Variants in RBM19 observed in about 807,000 individuals in gnomAD.
The protein encoded by RBM19 is RNA binding motif protein 19.
RBM19 carries 94 observed loss-of-function variants against 116.8 expected under a neutral mutation model. That is an observed-to-expected ratio of 0.80 (90% confidence interval 0.68 to 0.95). The LOEUF (loss-of-function observed/expected upper bound fraction) is 0.95, where lower values mean the gene tolerates loss of function less well. RBM19 is among the 40% of genes least tolerant of loss of function. The pLI is 0.00. For missense variants in RBM19, 1,161 were observed against 1,220.7 expected, an observed-to-expected ratio of 0.95 and a Z score of 0.73; for synonymous variants, 475 against 494.1, an observed-to-expected ratio of 0.96 and a Z score of 0.51.
intron 21 of RBM19, among the ~76,000 whole-genome samples, chr12:113,912,257 G>A (rs1166375035): frequency 6.6e-6 from 1 of 152,166 alleles, no homozygotes; most frequent in African/African-American, 2.4e-5. Flanking sequence ...ACTCTCACCT[G>A]CACACCTGTC....
chr12:113,824,275 C>T (rs1414016721), intron 23 of RBM19, among the ~76,000 whole-genome samples: 1 of 152,114 alleles, frequency 6.6e-6, no homozygotes, highest in Non-Finnish European at 1.5e-5. Context: ...GGATTCGAAC[C>T]CCAGTCACAC....
intron 21 of RBM19, among the ~76,000 whole-genome samples, chr12:113,899,796 T>A (rs1327301760): frequency 0.012 from 1,802 of 152,158 alleles, 13 homozygotes; most frequent in Non-Finnish European, 0.018. Context: ...TGTCTGGGGC[T>A]CCCTGCTGCC....
At chr12:113,880,486 G>A (rs1041157169) in intron 21 of RBM19, among the ~76,000 whole-genome samples, 11 of 152,180 alleles carry the variant, frequency 7.2e-5, no homozygotes, top group African/African-American at 2.4e-4. Context: ...GAGCCTTGTC[G>A]TAAACATTTT....
chr12:113,938,861 C>A (rs1357158207), intron 15 of RBM19, among the ~76,000 whole-genome samples: 3 of 152,150 alleles, frequency 2.0e-5, no homozygotes, highest in Admixed American at 1.3e-4. Flanking sequence ...CTAGAGCCTT[C>A]AGAGGAAGCA....
At chr12:113,945,075 T>C (rs1206693965) in intron 13 of RBM19, among the ~76,000 whole-genome samples, 1 of 152,226 alleles carries the variant, frequency 6.6e-6, no homozygotes, top group Non-Finnish European at 1.5e-5. Flanking sequence ...ATTGGAGATT[T>C]CTGCTTCTAG....
chr12:113,833,046 C>T (rs767171270), intron 23 of RBM19, among the ~76,000 whole-genome samples: 4 of 152,108 alleles, frequency 2.6e-5, no homozygotes, highest in African/African-American at 7.2e-5. Flanking sequence ...GCCCAGACTT[C>T]GCCCCTGAGC....
chr12:113,851,155 T>C (rs1877414953), intron 22 of RBM19, among the ~76,000 whole-genome samples: 1 of 152,160 alleles, frequency 6.6e-6, no homozygotes, highest in Admixed American at 6.5e-5. Flanking sequence ...CTGCACAATC[T>C]TGGGTGACTC....
In RBM19 at chr12:113,877,061, G is replaced by A. The variant is rs181008498; in HGVS notation, c.2559-18165C>T. On this transcript the variant is annotated intron_variant, in intron 21 of 23. Coordinates refer to ENST00000261741, the MANE Select transcript of RBM19 (RefSeq NM_016196.4). Reference sequence around the variant, plus strand: ...GAGATGGCACTTGGAGCCCACCAAGGTCCCATGCCCCCACTGGGCTGCCCC... The same window carrying A: ...GAGATGGCACTTGGAGCCCACCAAGATCCCATGCCCCCACTGGGCTGCCCC... Among the ~76,000 whole-genome samples, 791 of 152,316 alleles carry A rather than the reference G, an allele frequency of 5.2e-3. 9 individuals carry two copies. Among genetic ancestry groups the A allele is most frequent in the Admixed American group, 0.01 (155 of 15,302 alleles).
rs188521018 is a variant in RBM19, at chr12:113,901,056, G to T, written c.2558+13913C>A. On this transcript the variant is annotated intron_variant, in intron 21 of 23. Transcript: ENST00000261741. Reference sequence around the variant, plus strand: ...CTGGTTTCTTTGCTTTCTGAAAAGGGTCTAGAAAGATCCCCAAACAGTGTT... The same window carrying T: ...CTGGTTTCTTTGCTTTCTGAAAAGGTTCTAGAAAGATCCCCAAACAGTGTT... 9.2e-5 allele frequency among the ~76,000 whole-genome samples: 14 copies of T among 152,248 alleles called. No individual in the cohort carries two copies. The East Asian group carries it at 2.5e-3, about 27-fold the overall frequency.
intron 21 of RBM19, among the ~76,000 whole-genome samples, chr12:113,908,570 T>C (rs898716949): frequency 1.6e-3 from 6 of 3,642 alleles, no homozygotes; most frequent in Non-Finnish European, 1.2e-3. Flanking sequence ...AGGAAGAAAA[T>C]AGCAAAAAAA....
At chr12:113,939,798 T>C (rs898987601) in intron 15 of RBM19, among the ~76,000 whole-genome samples, 162 bp downstream of exon 15, 1 of 151,992 alleles carries the variant, frequency 6.6e-6, no homozygotes, top group African/African-American at 2.4e-5. Flanking sequence ...CCAGACAGGT[T>C]TTCAGGCGGC....
intron 21 of RBM19, among the ~76,000 whole-genome samples, chr12:113,885,074 G>A (rs1465285156): frequency 6.6e-6 from 1 of 152,210 alleles, no homozygotes; most frequent in Admixed American, 6.5e-5. Flanking sequence ...ATTCAGGTAA[G>A]GATCTTCAGT....
At chr12:113,838,530 C>T (rs186563581) in intron 23 of RBM19, among the ~76,000 whole-genome samples, 6 of 152,346 alleles carry the variant, frequency 3.9e-5, no homozygotes, top group Non-Finnish European at 7.3e-5. Context: ...AAACTGCACA[C>T]AGACAGTGGC....
chr12:113,822,063 G>A lies in RBM19; in HGVS notation c.*1161C>T, dbSNP rs1272833247. On this transcript the variant is annotated 3_prime_UTR_variant, in exon 24 of 24. Transcript: ENST00000261741. Reference sequence around the variant, plus strand: ...AAGAAGAAAACAAAAGTGCTGATGAGAATCTTCTCTGGGCTTTACTTGGCT... The same window carrying A: ...AAGAAGAAAACAAAAGTGCTGATGAAAATCTTCTCTGGGCTTTACTTGGCT... The A allele has an allele frequency of 6.6e-6, 1 of 152,246 alleles. No individual in the cohort carries two copies. Among genetic ancestry groups the A allele is most frequent in the East Asian group, 1.9e-4 (1 of 5,196 alleles). The allele number at this position is 152,246 out of a possible 1,614,324, so 9.4% of individuals were successfully genotyped here.
chr12:113,864,950 T>C (rs919056265), intron 21 of RBM19, among the ~76,000 whole-genome samples: 2 of 152,108 alleles, frequency 1.3e-5, no homozygotes, highest in Non-Finnish European at 2.9e-5. Flanking sequence ...TATCTGTCAG[T>C]CATCACCATT....
intron 14 of RBM19, 55 bp from the exon 15 acceptor site, chr12:113,940,215 C>A: frequency 6.5e-7 from 1 of 1,546,390 alleles, no homozygotes; most frequent in Non-Finnish European, 8.8e-7. Flanking sequence ...GGGTCCCCAG[C>A]TGACACCAGC....
rs1874566935 is a variant in RBM19 at position 113,823,235 on chromosome 12, G to GA, written c.2871_2872insT (p.Leu958SerfsTer56). 1 of 1,610,724 alleles carries GA rather than the reference G, an allele frequency of 6.2e-7. No homozygotes were observed. The highest frequency in any genetic ancestry group is 8.5e-7 in the Non-Finnish European group (1 of 1,179,972). The stretch of plus-strand genomic sequence containing the variant: ...CTCTCGGTGCCAGCTCACAGCTGAA[G>GA]GGTCTGCTCCTCGCTGTCGCTGTCA... On this transcript the variant is annotated frameshift_variant, in exon 24 of 24. Transcript: ENST00000261741. LOFTEE classifies it high-confidence loss of function.
chr12:113,826,077 C>T (rs543642025), intron 23 of RBM19, among the ~76,000 whole-genome samples: 10 of 152,332 alleles, frequency 6.6e-5, no homozygotes, highest in Admixed American at 3.3e-4. Flanking sequence ...CAGGGCCTTG[C>T]ACCTGCTGTT....
intron 21 of RBM19, among the ~76,000 whole-genome samples, chr12:113,906,576 G>A (rs970779474): frequency 6.6e-6 from 1 of 152,108 alleles, no homozygotes; most frequent in African/African-American, 2.4e-5. Flanking sequence ...CATACTGTCC[G>A]CTTAGGATCT....
Sources: allele counts gnomAD v4.1 joint callset (sites outside exome capture counted in the v4.1 genomes callset), GRCh38; gene constraint gnomAD v4.1.1; transcripts MANE v1.5; gene names NCBI Gene and HGNC (gene_info 2026-07-23, HGNC 2026-07-21).